The following PLEKHG1 variants were observed in gnomAD, a reference collection of about 807,000 sequenced individuals.
The protein encoded by PLEKHG1 is pleckstrin homology and RhoGEF domain containing G1, also known as pleckstrin homology domain-containing family G member 1.
Under a neutral mutation model 100.8 loss-of-function variants are expected in PLEKHG1, and 44 were observed. That is an observed-to-expected ratio of 0.44 (90% CI 0.34 to 0.56). The LOEUF is 0.56. Among genes scored for constraint, PLEKHG1 ranks in the 20% least tolerant of loss-of-function variants. The pLI is 0.01. For missense variants in PLEKHG1, 1,545 were observed against 1,720.9 expected, an observed-to-expected ratio of 0.90 and a Z score of 1.81; for synonymous variants, 640 against 662.5, an observed-to-expected ratio of 0.97 and a Z score of 0.52.
chr6:150,686,779 G>C (rs1265487023), intron 3 of PLEKHG1: 1 of 152,518 alleles, frequency 6.6e-6, no homozygotes, highest in African/African-American at 2.4e-5. Context: ...TCAGCCTTGG[G>C]TGTAGCACCT....
intron 1 of PLEKHG1, among the ~76,000 whole-genome samples, chr6:150,633,913 G>A (rs1299425638): frequency 6.6e-6 from 1 of 152,046 alleles, no homozygotes; most frequent in African/African-American, 2.4e-5. Context: ...AGTTCTGACT[G>A]TCCCTTTTCT....
intron 1 of PLEKHG1, among the ~76,000 whole-genome samples, chr6:150,732,478 G>T (rs1782319115): frequency 6.6e-6 from 1 of 152,198 alleles, no homozygotes; most frequent in Admixed American, 6.5e-5. Flanking sequence ...CAGCATGAGG[G>T]CACATTCTGA....
At position 150,734,053 on chromosome 6, in the gene PLEKHG1, C is replaced by G. The variant is rs61738740; in HGVS notation, c.372C>G (p.Thr124=). The G allele has an allele frequency of 7.0e-3, 11,286 of 1,613,866 alleles. 470 individuals are homozygous for G. In the East Asian group the frequency reaches 0.11, roughly 16 times the overall value. The change falls in exon 2 of 16, where the codon ACC becomes ACG. Residue 124 remains threonine, a synonymous_variant. Transcript: ENST00000358517. Reference sequence around the variant, plus strand: ...GAGTTGTTCAGGAAATTCTGGAAACCGAAAGGACTTATGTACAAGATTTAA... The same window carrying G: ...GAGTTGTTCAGGAAATTCTGGAAACGGAAAGGACTTATGTACAAGATTTAA...
upstream of PLEKHG1, among the ~76,000 whole-genome samples, chr6:150,716,633 T>C (rs550379933): frequency 1.4e-4 from 21 of 152,298 alleles, 1 homozygote; most frequent in East Asian, 1.9e-3. Context: ...CTGTGCTTCC[T>C]GCCCTCATCC....
Position 150,611,550 on chromosome 6 carries a change from G to A in PLEKHG1, c.-204+11533G>A, listed in dbSNP as rs552712710. On this transcript the variant is annotated intron_variant, in intron 1 of 3. Transcript: ENST00000367326. The stretch of plus-strand genomic sequence containing the variant: ...ATGGTGGCCGGGCGAGGTGGCTCAC[G>A]CCTGTAATCCCAACACTTTGGGAGG... Among the ~76,000 whole-genome samples the A allele has an allele frequency of 2.5e-3, 382 of 152,182 alleles. 2 individuals are homozygous for A. The highest frequency in any genetic ancestry group is 8.8e-3 in the African/African-American group (367 of 41,524).
At chr6:150,789,731 G>C (rs549637035) in intron 4 of PLEKHG1, among the ~76,000 whole-genome samples, 85 of 152,270 alleles carry the variant, frequency 5.6e-4, no homozygotes, top group African/African-American at 2.0e-3. Flanking sequence ...CAAGAGGCAG[G>C]AAAGAAAAAG....
At chr6:150,659,984 A>G (rs991289040) in intron 3 of PLEKHG1, among the ~76,000 whole-genome samples, 3 of 152,230 alleles carry the variant, frequency 2.0e-5, no homozygotes, top group Admixed American at 2.0e-4. Context: ...TAAGAAATCA[A>G]TAAAAATAAG....
intron 15 of PLEKHG1, among the ~76,000 whole-genome samples, chr6:150,836,822 C>A (rs80239998): frequency 2.8e-4 from 37 of 131,220 alleles, no homozygotes; most frequent in African/African-American, 3.1e-4. Context: ...GACCCTGTCT[C>A]AAAAAAAAAA....
upstream of PLEKHG1, among the ~76,000 whole-genome samples, chr6:150,719,402 CTG>C (rs983856110): frequency 6.6e-6 from 1 of 152,180 alleles, no homozygotes; most frequent in Non-Finnish European, 1.5e-5. Flanking sequence ...CCTAGAACCT[CTG>C]TGTATTTTAT....
In PLEKHG1 at chr6:150,804,634, G is replaced by A. The variant is rs762647080; in HGVS notation, c.805G>A (p.Asp269Asn). 1.9e-6 allele frequency: 3 copies of A among 1,608,582 alleles called. No homozygotes were observed. In the African/African-American group the frequency reaches 4.0e-5, roughly 22 times the overall value. ...GGAAATAGAAAACCACCTTGATAAG[G>A]ACACAGAAGGCTATGATGTGGTGCT... Residue 269 changes from aspartate (D) to asparagine (N), a missense_variant, in exon 7 of 16, where the codon GAC becomes AAC. Coordinates refer to ENST00000358517, the Ensembl canonical transcript of PLEKHG1.
At chr6:150,800,005 G>A (rs959522962) in intron 5 of PLEKHG1, among the ~76,000 whole-genome samples, 2 of 152,220 alleles carry the variant, frequency 1.3e-5, no homozygotes, top group Admixed American at 6.5e-5. Flanking sequence ...GGGGATCTGG[G>A]TTGCGGAAAG....
exon 3 of PLEKHG1, chr6:150,768,727 C>T (rs1373535091): frequency 6.4e-7 from 1 of 1,564,842 alleles, no homozygotes; most frequent in Non-Finnish European, 8.8e-7. Context: ...AGGATATCTA[C>T]CACTTCAATA....
At chr6:150,685,693 A>T (rs377552268) in intron 3 of PLEKHG1, among the ~76,000 whole-genome samples, 1 of 152,218 alleles carries the variant, frequency 6.6e-6, no homozygotes, top group East Asian at 1.9e-4. Context: ...CAACAAAATG[A>T]ATATGTAAGG....
chr6:150,720,934 T>C (rs1781642115), upstream of PLEKHG1, among the ~76,000 whole-genome samples: 1 of 152,226 alleles, frequency 6.6e-6, no homozygotes. Flanking sequence ...GTCCTGTTTC[T>C]CAATTGAATG....
chr6:150,800,254 T>TG (rs1786611814), intron 5 of PLEKHG1, among the ~76,000 whole-genome samples: 1 of 152,142 alleles, frequency 6.6e-6, no homozygotes, highest in South Asian at 2.1e-4. Flanking sequence ...GGTGATTAAA[T>TG]GCTCTGACGG....
At position 150,832,106 on chromosome 6, in the gene PLEKHG1, CTG is replaced by C; in HGVS notation, c.2996_2997del (p.Leu999ArgfsTer38). On this transcript the variant is annotated frameshift_variant, in exon 15 of 16. Coordinates refer to ENST00000358517, the Ensembl canonical transcript of PLEKHG1. LOFTEE classifies it high-confidence loss of function. Reference sequence around the variant, plus strand: ...GAATCAACTTTTAAAAGTGAAAAGTCTGGAGCTGGAGCAGCCGCCGGCCAGTC... The same window carrying C: ...GAATCAACTTTTAAAAGTGAAAAGTCGAGCTGGAGCAGCCGCCGGCCAGTC... The C allele has an allele frequency of 6.2e-7, 1 of 1,614,060 alleles. No individual in the cohort carries two copies. The highest frequency in any genetic ancestry group is 8.5e-7 in the Non-Finnish European group (1 of 1,179,962).
rs79040762 is a variant in PLEKHG1, at chr6:150,820,942, G to A, written c.1409-253G>A. 7.1e-3 allele frequency among the ~76,000 whole-genome samples: 1,075 copies of A among 152,110 alleles called. 15 individuals are homozygous for A. The highest frequency in any genetic ancestry group is 7.1e-3 in the Non-Finnish European group (479 of 67,924). On this transcript the variant is annotated intron_variant, in intron 12 of 15. Transcript: ENST00000358517. ...TGAGGAAGCTGCTCTGCTACTGACA[G>A]GACTGAAAAAGTCAGATTTTGCTTT...
rs529005083 is a variant in PLEKHG1 at position 150,820,543 on chromosome 6, G to C, written c.1409-652G>C. ...TAAATAATCCACGTGACTCCTGCTT[G>C]CAAGGAGCTCATGGTGCGAGAGACA... On this transcript the variant is annotated intron_variant, in intron 12 of 15. Coordinates refer to ENST00000358517, the Ensembl canonical transcript of PLEKHG1. Among the ~76,000 whole-genome samples, 26 of 152,176 alleles carry C rather than the reference G, an allele frequency of 1.7e-4. No individual in the cohort carries two copies. In the East Asian group the frequency reaches 5.0e-3, roughly 30 times the overall value.
At position 150,822,150 on chromosome 6, in the gene PLEKHG1, C is replaced by CAAAAAAA. The variant is rs58672381; in HGVS notation, c.1447+939_1447+945dup. On this transcript the variant is annotated intron_variant, in intron 13 of 15. Coordinates refer to ENST00000358517, the Ensembl canonical transcript of PLEKHG1. Reference sequence around the variant, plus strand: ...GCCACCACGCCCAGCCCAAAGGACTCAAAAAAAAAAAAAAAAAAAAAAAAA... The same window carrying CAAAAAAA: ...GCCACCACGCCCAGCCCAAAGGACTCAAAAAAAAAAAAAAAAAAAAAAAAAAAAAAAA... Among the ~76,000 whole-genome samples, 140 of 36,754 alleles carry CAAAAAAA rather than the reference C, an allele frequency of 3.8e-3. 1 individual carries two copies. The highest frequency in any genetic ancestry group is 5.2e-3 in the African/African-American group (57 of 10,936). 24.1% of individuals were successfully genotyped at this position (36,754 alleles called of 152,430 possible). A position where few individuals can be genotyped will look rare whatever the true frequency, so the allele number is the denominator to read the frequency against.
Sources: gnomAD v4.1 joint callset for allele counts (sites outside exome capture counted in the v4.1 genomes callset) on GRCh38, gnomAD v4.1.1 for gene constraint, MANE v1.5 for transcripts, NCBI Gene and HGNC (gene_info 2026-07-23, HGNC 2026-07-21) for gene names.